Variants in DLG2 observed in about 807,000 individuals in gnomAD.
DLG2 encodes the protein disks large homolog 2.
A neutral mutation model predicts 132.5 loss-of-function variants in DLG2; 45 were observed. That is an observed-to-expected ratio of 0.34 (90% confidence interval 0.27 to 0.44). The LOEUF is 0.44. DLG2 is among the 20% of genes least tolerant of loss of function. DLG2 has a pLI of 1.00. For synonymous variants in DLG2, 424 were observed against 419.6 expected (o/e 1.01, Z -0.13); for missense variants, 1,045 against 1,196.9 (o/e 0.87, Z 1.87).
intron 6 of DLG2, among the ~76,000 whole-genome samples, chr11:84,734,119 G>A (rs368227590): frequency 3.3e-5 from 5 of 152,084 alleles, no homozygotes; most frequent in South Asian, 2.1e-4. Flanking sequence ...TTGGCAATGC[G>A]GGCTCTTTTT....
intron 7 of DLG2, among the ~76,000 whole-genome samples, chr11:84,421,154 A>G (rs1449203003): frequency 6.6e-6 from 1 of 152,156 alleles, no homozygotes; most frequent in African/African-American, 2.4e-5. Context: ...ACAGCTGTCT[A>G]TGAACCAGGA....
intron 6 of DLG2, among the ~76,000 whole-genome samples, chr11:84,732,644 T>TAA (rs2063295255): frequency 6.6e-6 from 1 of 151,608 alleles, no homozygotes; most frequent in South Asian, 2.1e-4. Context: ...TGTATATATA[T>TAA]AAATATATAT....
chr11:84,463,556 T>C (rs906291403), intron 7 of DLG2, among the ~76,000 whole-genome samples: 1 of 151,120 alleles, frequency 6.6e-6, no homozygotes, highest in South Asian at 2.1e-4. Context: ...TGAGGTAGTA[T>C]TGATGGACTA....
intron 6 of DLG2, among the ~76,000 whole-genome samples, chr11:85,005,302 A>G (rs773195754): frequency 5.3e-5 from 8 of 152,284 alleles, no homozygotes; most frequent in African/African-American, 7.2e-5. Flanking sequence ...CATCAAATCT[A>G]TAAATTACTT....
intron 3 of DLG2, among the ~76,000 whole-genome samples, chr11:85,576,923 G>T (rs898160873): frequency 2.0e-5 from 3 of 152,020 alleles, no homozygotes; most frequent in Admixed American, 6.6e-5. Context: ...TAAGAAAGTG[G>T]GCAAAGAATT....
rs187272156 is a variant in DLG2 at position 85,103,974 on chromosome 11, A to T, written c.357+7687T>A. Among the ~76,000 whole-genome samples the T allele has an allele frequency of 3.9e-5, 6 of 152,052 alleles. No individual in the cohort carries two copies. In the East Asian group the frequency reaches 9.7e-4, roughly 24 times the overall value. ...ACATGAAAACACGGTCACATCACTA[A>T]TCAATAGATAATTCAAAATCAAAAC... On this transcript the variant is annotated intron_variant, in intron 6 of 27. Transcript: ENST00000376104.
intron 6 of DLG2, among the ~76,000 whole-genome samples, chr11:84,964,098 T>C (rs543495404): frequency 6.6e-6 from 1 of 152,164 alleles, no homozygotes; most frequent in Non-Finnish European, 1.5e-5. Context: ...GAAAAAACAT[T>C]AAGGCAGCCT....
Position 83,557,136 on chromosome 11 carries a change from T to A in DLG2, c.1941-15278A>T, listed in dbSNP as rs545775534. Among the ~76,000 whole-genome samples, 180 of 152,318 alleles carry A rather than the reference T, an allele frequency of 1.2e-3. 1 individual carries two copies. The highest frequency in any genetic ancestry group is 4.2e-3 in the African/African-American group (174 of 41,570). ...GGTGTTTCTTAAGAACTCCAAATAGTGTGTTCAGTGCTGAAGGCAAAAGAT... is the reference window on the plus strand; with the variant it reads ...GGTGTTTCTTAAGAACTCCAAATAGAGTGTTCAGTGCTGAAGGCAAAAGAT... On this transcript the variant is annotated intron_variant, in intron 19 of 27. Coordinates refer to ENST00000376104, the MANE Select transcript of DLG2 (RefSeq NM_001142699.3).
intron 3 of DLG2, among the ~76,000 whole-genome samples, chr11:85,302,116 T>A (rs1174940221): frequency 1.3e-5 from 2 of 152,146 alleles, no homozygotes; most frequent in Non-Finnish European, 2.9e-5. Flanking sequence ...GTAGACTCAA[T>A]AGGATTCTGG....
intron 7 of DLG2, among the ~76,000 whole-genome samples, chr11:84,512,651 G>C (rs906584404): frequency 1.3e-5 from 2 of 151,924 alleles, no homozygotes; most frequent in African/African-American, 4.8e-5. Context: ...ATATAAAGGA[G>C]TTTCAATACA....
At chr11:84,704,870 CACACATATATATACACATTATGTATATAT>C (rs1047593096) in intron 6 of DLG2, among the ~76,000 whole-genome samples, 1 of 149,524 alleles carries the variant, frequency 6.7e-6, no homozygotes, top group Non-Finnish European at 1.5e-5. Context: ...TACACACACA[CACACATATATATACACATTATGTATATAT>C]ACACATATAT....
chr11:84,832,674 C>G (rs2153996708), intron 6 of DLG2, among the ~76,000 whole-genome samples: 1 of 151,640 alleles, frequency 6.6e-6, no homozygotes, highest in South Asian at 2.1e-4. Context: ...CACTCTGATT[C>G]TATTTATGAA....
intron 21 of DLG2, among the ~76,000 whole-genome samples, chr11:83,502,967 T>C (rs980607355): frequency 6.6e-6 from 1 of 152,134 alleles, no homozygotes; most frequent in Non-Finnish European, 1.5e-5. Flanking sequence ...GATAGTTACA[T>C]CCATTTATGC....
At chr11:84,265,136 T>C (rs2097600810) in intron 7 of DLG2, among the ~76,000 whole-genome samples, 2 of 152,210 alleles carry the variant, frequency 1.3e-5, no homozygotes, top group Non-Finnish European at 2.9e-5. Context: ...TGTATAGATG[T>C]TAAAAGTTAT....
rs372154094 is a variant in DLG2 at position 84,735,052 on chromosome 11, C to G, written c.358-200321G>C. ...GGATTCAGTTTGCCAGTATTTTATT[C>G]AGGATTTTTGCATCAATGTTCATCA... On this transcript the variant is annotated intron_variant, in intron 6 of 27. Transcript: ENST00000376104. Among the ~76,000 whole-genome samples, 5 of 151,880 alleles carry G rather than the reference C, an allele frequency of 3.3e-5. No individual in the cohort carries two copies. The South Asian group carries it at 6.2e-4, about 19-fold the overall frequency.
chr11:84,195,009 T>C (rs1399488685), intron 8 of DLG2, among the ~76,000 whole-genome samples: 2 of 152,178 alleles, frequency 1.3e-5, no homozygotes, highest in Non-Finnish European at 2.9e-5. Context: ...GGCTCCTGCC[T>C]CGGCCAGCCC....
intron 8 of DLG2, among the ~76,000 whole-genome samples, chr11:84,215,117 G>A (rs747631289): frequency 7.9e-5 from 12 of 152,160 alleles, no homozygotes; most frequent in Non-Finnish European, 1.5e-4. Flanking sequence ...CACAGTAGAC[G>A]TGTTGCTGGT....
chr11:84,994,184 G>C (rs1240047656), intron 6 of DLG2, among the ~76,000 whole-genome samples: 1 of 152,142 alleles, frequency 6.6e-6, no homozygotes, highest in East Asian at 1.9e-4. Context: ...TCCAGGTTTA[G>C]CTACTCTTAG....
chr11:83,679,653 C>T (rs1319587607), intron 18 of DLG2, among the ~76,000 whole-genome samples: 1 of 152,256 alleles, frequency 6.6e-6, no homozygotes, highest in East Asian at 1.9e-4. Flanking sequence ...TCAAAATCAA[C>T]ATCTATCAAA....
Sources: gnomAD v4.1 joint callset for allele counts (sites outside exome capture counted in the v4.1 genomes callset) on GRCh38, gnomAD v4.1.1 for gene constraint, MANE v1.5 for transcripts, NCBI Gene and HGNC (gene_info 2026-07-23, HGNC 2026-07-21) for gene names.